CNTN6: variants seen among roughly 807,000 people sequenced by gnomAD.
The protein encoded by CNTN6 is contactin 6.
In CNTN6, 137 loss-of-function variants were observed where a neutral mutation model predicts 122.8. The ratio of observed to expected loss-of-function variants is 1.12; its 90% CI spans 0.97 to 1.29. The LOEUF (loss-of-function observed/expected upper bound fraction) is 1.29. CNTN6 is among the 50% of genes most tolerant of loss of function. The probability of loss-of-function intolerance (pLI) is 0.00; values close to 1 mark genes in which losing one functional copy is unlikely to be tolerated. For missense variants in CNTN6, 1,634 were observed against 1,223.4 expected (o/e 1.34, Z -5.01); for synonymous variants, 570 against 426.0 (o/e 1.34, Z -4.16).
At chr3:1,264,306 A>G (rs2094892968) in intron 4 of CNTN6, among the ~76,000 whole-genome samples, 1 of 152,124 alleles carries the variant, frequency 6.6e-6, no homozygotes, top group South Asian at 2.1e-4. Flanking sequence ...TTATTTTTTG[A>G]AAAGATTTTA....
chr3:1,179,706 CTGTTCTCCTCCCCA>C (rs1389167099), intron 2 of CNTN6, among the ~76,000 whole-genome samples: 2 of 152,148 alleles, frequency 1.3e-5, no homozygotes, highest in African/African-American at 4.8e-5. Flanking sequence ...GCAGTGGCTG[CTGTTCTCCTCCCCA>C]TGTTTTGTAC....
intron 2 of CNTN6, among the ~76,000 whole-genome samples, chr3:1,155,778 G>C (rs571335747): frequency 2.8e-4 from 41 of 147,940 alleles, no homozygotes; most frequent in Admixed American, 2.5e-3. Context: ...CAGTCAAGTT[G>C]ATCCACCATT....
chr3:1,300,611 A>G (rs866235238), intron 7 of CNTN6, among the ~76,000 whole-genome samples: 2 of 149,690 alleles, frequency 1.3e-5, no homozygotes, highest in Non-Finnish European at 3.0e-5. Context: ...GAAAGAGAGA[A>G]AGAAAGGAAG....
At chr3:1,373,558 A>C (rs1709403665) in intron 14 of CNTN6, 46 bp from the exon 15 acceptor site, 1 of 1,574,502 alleles carries the variant, frequency 6.4e-7, no homozygotes, top group Non-Finnish European at 8.6e-7. Context: ...CAAATTAATG[A>C]ATGTAAGTAT....
rs564990225 is a variant in CNTN6, at chr3:1,130,101, CAAG to C, written c.-82-17821_-82-17819del. Among the ~76,000 whole-genome samples the C allele has an allele frequency of 7.2e-5, 11 of 152,072 alleles. 1 individual carries two copies. The highest frequency in any genetic ancestry group is 7.2e-4 in the Admixed American group (11 of 15,238). ...CTTAATGAAAAAGCCGATTGCAAAA[CAAG>C]AAGATTGATTAGGGGTAATAAGCTT... On this transcript the variant is annotated intron_variant, in intron 1 of 22. Coordinates refer to ENST00000446702, the MANE Select transcript of CNTN6 (RefSeq NM_001289080.2).
intron 4 of CNTN6, among the ~76,000 whole-genome samples, chr3:1,268,585 C>A (rs113126875): frequency 7.6e-6 from 1 of 131,460 alleles, no homozygotes; most frequent in Non-Finnish European, 1.6e-5. Context: ...CCAGCCTGGG[C>A]GACAGAGCGA....
chr3:1,400,963 T>C (rs1055796441), intron 20 of CNTN6, among the ~76,000 whole-genome samples: 1 of 152,120 alleles, frequency 6.6e-6, no homozygotes. Context: ...GCTTAAAATA[T>C]CTTGAGTTAG....
At chr3:1,167,308 G>A (rs2093274021) in intron 2 of CNTN6, among the ~76,000 whole-genome samples, 2 of 151,946 alleles carry the variant, frequency 1.3e-5, no homozygotes, top group Admixed American at 6.6e-5. Context: ...CCTATCAGTT[G>A]CCAATTTCTT....
intron 2 of CNTN6, among the ~76,000 whole-genome samples, chr3:1,159,802 A>G (rs553100404): frequency 1.3e-4 from 19 of 150,312 alleles, no homozygotes; most frequent in South Asian, 6.3e-4. Context: ...TCTGTGTTCA[A>G]TGTAATCATT....
At chr3:1,173,420 C>T in intron 2 of CNTN6, 2 of 378,184 alleles carry the variant, frequency 5.3e-6, no homozygotes, top group Non-Finnish European at 1.1e-5. Context: ...TCATTTAATC[C>T]TCAGAAAATC....
intron 4 of CNTN6, among the ~76,000 whole-genome samples, chr3:1,257,553 C>A (rs1415424512): frequency 6.6e-6 from 1 of 152,080 alleles, no homozygotes; most frequent in East Asian, 1.9e-4. Flanking sequence ...CCCACCCCTG[C>A]CCTATGAAAT....
At chr3:1,368,341 AAACAGATTTGT>A (rs985282483) in intron 12 of CNTN6, among the ~76,000 whole-genome samples, 2 of 152,208 alleles carry the variant, frequency 1.3e-5, no homozygotes, top group Admixed American at 1.3e-4. Flanking sequence ...GGCTTTCATA[AAACAGATTTGT>A]ATAAAGAGTT....
intron 20 of CNTN6, among the ~76,000 whole-genome samples, chr3:1,392,207 G>T (rs1459202727): frequency 6.6e-6 from 1 of 152,240 alleles, no homozygotes; most frequent in Non-Finnish European, 1.5e-5. Context: ...CCAAAACAGA[G>T]ATCTAGATCA....
intron 7 of CNTN6, among the ~76,000 whole-genome samples, chr3:1,303,067 G>A (rs1205142234): frequency 6.6e-6 from 1 of 151,968 alleles, no homozygotes; most frequent in East Asian, 1.9e-4. Context: ...CCTCATTTGT[G>A]TTATAACTTA....
chr3:1,157,732 ATAAG>A (rs2093007969), intron 2 of CNTN6, among the ~76,000 whole-genome samples: 2 of 151,546 alleles, frequency 1.3e-5, no homozygotes, highest in Non-Finnish European at 2.9e-5. Flanking sequence ...TTTACATCCC[ATAAG>A]TAAGTGAGAA....
At chr3:1,211,305 G>A (rs1483553591) in intron 2 of CNTN6, among the ~76,000 whole-genome samples, 1 of 152,110 alleles carries the variant, frequency 6.6e-6, no homozygotes, top group African/African-American at 2.4e-5. Flanking sequence ...TGTGATTCAG[G>A]TAGAACCAAA....
Position 1,360,778 on chromosome 3 carries a change from T to C in CNTN6, c.1492+8327T>C, listed in dbSNP as rs1213536241. ...CCAAATTCAACAGCCTATTTTATCA[T>C]CTTCACTTACAAATTTACTATATCC... On this transcript the variant is annotated intron_variant, in intron 12 of 22. Coordinates refer to ENST00000446702, the MANE Select transcript of CNTN6 (RefSeq NM_001289080.2). Among the ~76,000 whole-genome samples the C allele has an allele frequency of 2.0e-5, 3 of 152,034 alleles. No homozygotes were observed. The East Asian group carries it at 5.8e-4, about 29-fold the overall frequency.
At chr3:1,172,508 ATTATC>A (rs779935172) in intron 2 of CNTN6, among the ~76,000 whole-genome samples, 6 of 152,194 alleles carry the variant, frequency 3.9e-5, no homozygotes, top group Non-Finnish European at 5.9e-5. Context: ...CATTTCTGAC[ATTATC>A]TTTTAAATAA....
intron 5 of CNTN6, among the ~76,000 whole-genome samples, chr3:1,279,102 G>C (rs1692925636): frequency 6.6e-6 from 1 of 152,116 alleles, no homozygotes; most frequent in Non-Finnish European, 1.5e-5. Context: ...CCATTAACTG[G>C]AAGCAAATTC....
Sources: gnomAD v4.1 joint callset for allele counts (sites outside exome capture counted in the v4.1 genomes callset) on GRCh38, gnomAD v4.1.1 for gene constraint, MANE v1.5 for transcripts, NCBI Gene and HGNC (gene_info 2026-07-23, HGNC 2026-07-21) for gene names.